The following SPP2 variants were observed in gnomAD, a reference collection of about 807,000 sequenced individuals.
SPP2 encodes the protein secreted phosphoprotein 2.
A neutral mutation model predicts 28.8 loss-of-function variants in SPP2; 34 were observed. The ratio of observed to expected loss-of-function variants is 1.18; its 90% CI spans 0.90 to 1.57. The LOEUF (loss-of-function observed/expected upper bound fraction) is 1.57, where lower values mean the gene tolerates loss of function less well. Among genes scored for constraint, SPP2 ranks in the 40% most tolerant of loss-of-function variants. SPP2 has a pLI of 0.00. For synonymous variants in SPP2, 96 were observed against 89.4 expected, an observed-to-expected ratio of 1.07 and a Z score of -0.42; for missense variants, 269 against 263.9, an observed-to-expected ratio of 1.02 and a Z score of -0.13.
At chr2:234,053,124 A>C (rs529909965) in intron 2 of SPP2, among the ~76,000 whole-genome samples, 42 of 152,250 alleles carry the variant, frequency 2.8e-4, no homozygotes, top group African/African-American at 9.6e-4. Flanking sequence ...GTGCAGAATT[A>C]AAATAGCAAT....
chr2:234,069,870 C>A, intron 6 of SPP2, 58 bp from the exon 7 acceptor site: 1 of 1,344,750 alleles, frequency 7.4e-7, no homozygotes, highest in Non-Finnish European at 1.1e-6. Flanking sequence ...ACATTGTCCA[C>A]ACTGTCTCAG....
intron 2 of SPP2, among the ~76,000 whole-genome samples, chr2:234,054,585 G>A (rs1274054289): frequency 6.6e-6 from 1 of 152,200 alleles, no homozygotes; most frequent in Admixed American, 6.5e-5. Flanking sequence ...GGCAGAAAGA[G>A]AGCTAGCTGA....
rs140405928 is a variant in SPP2, at chr2:234,062,018, G to A, written c.444+1539G>A. 4.1e-3 allele frequency among the ~76,000 whole-genome samples: 622 copies of A among 152,272 alleles called. 7 individuals carry two copies. Among genetic ancestry groups the A allele is most frequent in the African/African-American group, 0.014 (594 of 41,554 alleles). On this transcript the variant is annotated intron_variant, in intron 4 of 7. Coordinates refer to ENST00000168148, the MANE Select transcript of SPP2 (RefSeq NM_006944.3). ...TAACACACTCATACACTGTGGCCCC[G>A]CTAACCAGAAATGACAAGGACCAAG...
chr2:234,065,462 TAG>T (rs1475611869), intron 4 of SPP2, among the ~76,000 whole-genome samples: 1 of 152,228 alleles, frequency 6.6e-6, no homozygotes, highest in Non-Finnish European at 1.5e-5. Context: ...GTATTTTTAG[TAG>T]AGACGGGGTT....
At chr2:234,070,483 G>T (rs1690741752) in intron 7 of SPP2, among the ~76,000 whole-genome samples, 3 of 152,110 alleles carry the variant, frequency 2.0e-5, no homozygotes, top group African/African-American at 4.8e-5. Context: ...TTTTTTGAGA[G>T]GGAGTTTCGC....
intron 7 of SPP2, among the ~76,000 whole-genome samples, chr2:234,073,192 A>G (rs906504054): frequency 6.6e-6 from 1 of 152,232 alleles, no homozygotes; most frequent in Admixed American, 6.5e-5. Flanking sequence ...CTGGCCGACC[A>G]TAAACTTCTT....
chr2:234,059,004 C>T lies in SPP2; in HGVS notation c.333+46C>T, dbSNP rs772388538. 3.2e-6 allele frequency: 5 copies of T among 1,586,726 alleles called. No homozygotes were observed. In the African/African-American group the frequency reaches 4.1e-5, roughly 13 times the overall value. ...CCCAGAAATGAACAAAAGGAAGAGC[C>T]TCACTTCTTCCATGACCTGGAGTCA... On this transcript the variant is annotated intron_variant, in intron 3 of 7. Coordinates refer to ENST00000168148, the MANE Select transcript of SPP2 (RefSeq NM_006944.3).
At position 234,055,335 on chromosome 2, in the gene SPP2, T is replaced by C. The variant is rs542033904; in HGVS notation, c.211-3501T>C. Among the ~76,000 whole-genome samples, 22 of 152,374 alleles carry C rather than the reference T, an allele frequency of 1.4e-4. No individual in the cohort carries two copies. The South Asian group carries it at 4.3e-3, about 30-fold the overall frequency. ...AATTCCTTTCTGATGGGAAGATTTC[T>C]GTCTTTATTCTATTAAGGCCTTTAA... is the stretch of plus-strand genomic sequence containing the variant. On this transcript the variant is annotated intron_variant, in intron 2 of 7. Coordinates refer to ENST00000168148, the MANE Select transcript of SPP2 (RefSeq NM_006944.3).
In SPP2 at chr2:234,069,191, A is replaced by AG. The variant is rs1304042388; in HGVS notation, c.551-737_551-736insG. ...CCCCCCAGAGATGATTATTTGAGAG[A>AG]AAGAGAGAGAGAGAGAGAGAGAGAA... On this transcript the variant is annotated intron_variant, in intron 6 of 7. Transcript: ENST00000168148. Among the ~76,000 whole-genome samples, 9 of 122,548 alleles carry AG rather than the reference A, an allele frequency of 7.3e-5. No homozygotes were observed. The South Asian group carries it at 7.7e-4, about 10-fold the overall frequency. The allele number at this position is 122,548 out of a possible 152,430, so 80.4% of individuals were successfully genotyped here.
intron 2 of SPP2, among the ~76,000 whole-genome samples, chr2:234,053,459 A>G (rs1298823329): frequency 6.6e-6 from 1 of 152,174 alleles, no homozygotes; most frequent in East Asian, 1.9e-4. Context: ...TTCTCTACTC[A>G]GACTACACAT....
intron 2 of SPP2, among the ~76,000 whole-genome samples, chr2:234,057,937 A>G (rs1431690890): frequency 5.3e-5 from 8 of 152,216 alleles, no homozygotes. Context: ...TGTAGTAGTT[A>G]TGTTGTATAA....
chr2:234,072,461 G>A (rs1007547092), intron 7 of SPP2, among the ~76,000 whole-genome samples: 3 of 152,024 alleles, frequency 2.0e-5, no homozygotes, highest in African/African-American at 7.2e-5. Flanking sequence ...TGGATTGGCT[G>A]TATTTTGTTT....
intron 7 of SPP2, among the ~76,000 whole-genome samples, chr2:234,073,098 G>A (rs941444368): frequency 1.3e-5 from 2 of 152,140 alleles, no homozygotes; most frequent in Non-Finnish European, 2.9e-5. Flanking sequence ...ATGTTGGCCA[G>A]GCTAGTCTCA....
chr2:234,066,399 C>A (rs888084661), intron 4 of SPP2, 134 bp from the exon 5 acceptor site: 1 of 710,348 alleles, frequency 1.4e-6, no homozygotes, highest in Non-Finnish European at 2.4e-6. Context: ...TTTAATATAA[C>A]GTATTGCCTA....
intron 2 of SPP2, among the ~76,000 whole-genome samples, chr2:234,053,686 G>C (rs1250893931): frequency 1.3e-5 from 2 of 152,046 alleles, no homozygotes; most frequent in Admixed American, 1.3e-4. Context: ...CTCCAAATTT[G>C]AGAAAGGAGG....
chr2:234,068,160 T>C (rs1693865057), intron 6 of SPP2, among the ~76,000 whole-genome samples: 1 of 152,230 alleles, frequency 6.6e-6, no homozygotes, highest in East Asian at 1.9e-4. Flanking sequence ...TACCTGCTTA[T>C]ATAGACGAAT....
chr2:234,052,850 T>C (rs1426596406), intron 2 of SPP2, among the ~76,000 whole-genome samples: 1 of 152,160 alleles, frequency 6.6e-6, no homozygotes, highest in Non-Finnish European at 1.5e-5. Flanking sequence ...CCTGGTGATA[T>C]TTTTTTCTAT....
intron 4 of SPP2, 109 bp downstream of exon 4, chr2:234,060,588 G>A (rs1693699708): frequency 2.5e-6 from 2 of 801,836 alleles, no homozygotes; most frequent in Non-Finnish European, 2.0e-6. Context: ...TGGGCTTGGG[G>A]ATGCCGAACT....
intron 7 of SPP2, among the ~76,000 whole-genome samples, 184 bp from the exon 8 acceptor site, chr2:234,076,661 G>A (rs1337912010): frequency 6.6e-6 from 1 of 152,066 alleles, no homozygotes; most frequent in Non-Finnish European, 1.5e-5. Context: ...TTTTGCTTTT[G>A]CTTGGTTCCT....
Sources: allele counts gnomAD v4.1 joint callset (sites outside exome capture counted in the v4.1 genomes callset), GRCh38; gene constraint gnomAD v4.1.1; transcripts MANE v1.5; gene names NCBI Gene and HGNC (gene_info 2026-07-23, HGNC 2026-07-21).